The following PDE4D variants were observed in gnomAD, a reference collection of about 807,000 sequenced individuals.
PDE4D encodes 3',5'-cyclic-AMP phosphodiesterase 4D.
Under a neutral mutation model 87.4 loss-of-function variants are expected in PDE4D, and 24 were observed. The observed-to-expected ratio is 0.27, with a 90% CI of 0.20 to 0.39. PDE4D has a LOEUF of 0.39. Ranked by LOEUF, PDE4D falls within the 10% of genes least tolerant of loss-of-function variation. PDE4D has a pLI of 1.00. For synonymous variants in PDE4D, 384 were observed against 383.2 expected (o/e 1.00, Z -0.02); for missense variants, 714 against 1,041.0 (o/e 0.69, Z 4.32).
intron 1 of PDE4D, among the ~76,000 whole-genome samples, chr5:59,529,739 T>C (rs958177542): frequency 1.3e-5 from 2 of 152,204 alleles, no homozygotes; most frequent in Non-Finnish European, 1.5e-5. Context: ...ACCAAAAGGT[T>C]TGATAAATTC....
intron 1 of PDE4D, among the ~76,000 whole-genome samples, chr5:59,859,807 C>T (rs956890233): frequency 1.8e-4 from 28 of 152,216 alleles, no homozygotes; most frequent in African/African-American, 6.7e-4. Flanking sequence ...AGATGAGCTC[C>T]TGAGTGTGGA....
intron 1 of PDE4D, among the ~76,000 whole-genome samples, chr5:59,773,226 T>G (rs1763751996): frequency 6.6e-6 from 1 of 152,194 alleles, no homozygotes; most frequent in Non-Finnish European, 1.5e-5. Context: ...ATTTTAGAGA[T>G]GAGGGCATAA....
At chr5:59,731,143 C>T (rs2150604311) in intron 1 of PDE4D, among the ~76,000 whole-genome samples, 1 of 152,116 alleles carries the variant, frequency 6.6e-6, no homozygotes, top group Non-Finnish European at 1.5e-5. Context: ...CTCAGCTTCC[C>T]TGGAAGGTAG....
chr5:59,256,509 C>T (rs564077075), intron 1 of PDE4D, among the ~76,000 whole-genome samples: 1 of 151,992 alleles, frequency 6.6e-6, no homozygotes, highest in South Asian at 2.1e-4. Context: ...ACTACCAAGC[C>T]CCAATTATAC....
At chr5:59,188,681 C>T (rs1003158992) in intron 3 of PDE4D, among the ~76,000 whole-genome samples, 2 of 152,100 alleles carry the variant, frequency 1.3e-5, no homozygotes, top group African/African-American at 4.8e-5. Context: ...AAGCGGCGAC[C>T]CGCACTGGGA....
chr5:59,136,710 C>A (rs1478385617), intron 5 of PDE4D, among the ~76,000 whole-genome samples: 3 of 152,096 alleles, frequency 2.0e-5, no homozygotes, highest in Non-Finnish European at 4.4e-5. Context: ...ACAGTCATGA[C>A]CAAGCAATTA....
intron 1 of PDE4D, among the ~76,000 whole-genome samples, chr5:59,250,217 A>G (rs899322795): frequency 1.8e-4 from 28 of 151,508 alleles, no homozygotes; most frequent in Non-Finnish European, 3.8e-4. Context: ...AGGGCTGGGC[A>G]TGGTGGTTCA....
At chr5:60,510,357 T>C (rs1231820942) in intron 1 of PDE4D, among the ~76,000 whole-genome samples, 1 of 152,180 alleles carries the variant, frequency 6.6e-6, no homozygotes, top group East Asian at 1.9e-4. Flanking sequence ...TCAAGGTTTC[T>C]TTCTATACCT....
At chr5:59,393,377 T>C (rs1187476239) in intron 1 of PDE4D, among the ~76,000 whole-genome samples, 2 of 152,194 alleles carry the variant, frequency 1.3e-5, no homozygotes, top group African/African-American at 4.8e-5. Flanking sequence ...AAATAGGGGA[T>C]AAAAGAGATG....
chr5:60,498,012 C>G lies in PDE4D; in HGVS notation n.70+24039G>C, dbSNP rs141185512. 2.5e-3 allele frequency among the ~76,000 whole-genome samples: 380 copies of G among 152,298 alleles called. 1 individual carries two copies. The highest frequency in any genetic ancestry group is 8.9e-3 in the African/African-American group (370 of 41,576). The stretch of plus-strand genomic sequence containing the variant: ...GTCGTCTGCTTCAGAAATAGGTCAT[C>G]CTCTGACTATCAGCAGTTGTTTAGC... On this transcript the variant is annotated intron_variant and non_coding_transcript_variant, in intron 1 of 2. Transcript: ENST00000506510.
intron 1 of PDE4D, among the ~76,000 whole-genome samples, chr5:60,198,425 A>G (rs1741531743): frequency 6.6e-6 from 1 of 151,580 alleles, no homozygotes; most frequent in African/African-American, 2.4e-5. Flanking sequence ...CCATATTCCA[A>G]AGAATTTGGA....
At position 59,136,027 on chromosome 5, in the gene PDE4D, T is replaced by TAA. The variant is rs35078554; in HGVS notation, c.808+44566_808+44567dup. On this transcript the variant is annotated intron_variant, in intron 5 of 14. Coordinates refer to ENST00000340635, the MANE Select transcript of PDE4D (RefSeq NM_001104631.2). ...TCAAATATTTTAAAAGACTAAATGA[T>TAA]AAAAAAAAAAAACCCTAAACAAATT... is the stretch of plus-strand genomic sequence containing the variant. Among the ~76,000 whole-genome samples the TAA allele has an allele frequency of 2.9e-3, 437 of 149,350 alleles. 3 individuals carry two copies. Among genetic ancestry groups the TAA allele is most frequent in the East Asian group, 9.2e-3 (46 of 5,020 alleles).
At chr5:58,994,553 T>C (rs1318694614) in intron 6 of PDE4D, among the ~76,000 whole-genome samples, 1 of 152,180 alleles carries the variant, frequency 6.6e-6, no homozygotes, top group Non-Finnish European at 1.5e-5. Context: ...CTTTAAAATT[T>C]GAAATTTCAC....
chr5:60,291,165 A>G (rs1033973285), intron 1 of PDE4D, among the ~76,000 whole-genome samples: 2 of 152,192 alleles, frequency 1.3e-5, no homozygotes, highest in Admixed American at 1.3e-4. Context: ...GACATTGCCA[A>G]CCTCCATTAC....
At chr5:59,404,169 G>A (rs570956465) in intron 1 of PDE4D, among the ~76,000 whole-genome samples, 1 of 151,840 alleles carries the variant, frequency 6.6e-6, no homozygotes, top group African/African-American at 2.4e-5. Flanking sequence ...TTTTTCCTAC[G>A]GAGTTGAGCT....
At chr5:59,362,737 T>C (rs756606863) in intron 1 of PDE4D, among the ~76,000 whole-genome samples, 1 of 152,198 alleles carries the variant, frequency 6.6e-6, no homozygotes, top group Non-Finnish European at 1.5e-5. Flanking sequence ...AAATGGCTTC[T>C]TACAACTTTT....
At chr5:59,646,196 A>G (rs1742409090) in intron 1 of PDE4D, among the ~76,000 whole-genome samples, 1 of 152,222 alleles carries the variant, frequency 6.6e-6, no homozygotes, top group Non-Finnish European at 1.5e-5. Flanking sequence ...ACATATTCCA[A>G]TGATGTATCC....
intron 1 of PDE4D, among the ~76,000 whole-genome samples, chr5:59,880,004 G>A (rs1749202144): frequency 6.6e-6 from 1 of 152,202 alleles, no homozygotes; most frequent in Non-Finnish European, 1.5e-5. Context: ...CTCCCAAAGT[G>A]CTGGCATTGC....
intron 1 of PDE4D, among the ~76,000 whole-genome samples, chr5:60,327,095 T>C (rs1277092221): frequency 6.6e-6 from 1 of 152,132 alleles, no homozygotes; most frequent in East Asian, 1.9e-4. Flanking sequence ...CTCTGCTCTC[T>C]TAGAGTCCCA....
Sources: gnomAD v4.1 joint callset for allele counts (sites outside exome capture counted in the v4.1 genomes callset) on GRCh38, gnomAD v4.1.1 for gene constraint, MANE v1.5 for transcripts, NCBI Gene and HGNC (gene_info 2026-07-23, HGNC 2026-07-21) for gene names.